Variants in CHCHD3 observed in about 807,000 individuals in gnomAD.
CHCHD3 encodes the protein coiled-coil-helix-coiled-coil-helix domain containing 3, also known as MICOS complex subunit MIC19.
In CHCHD3, 20 loss-of-function variants were observed where a neutral mutation model predicts 38.2. That is an observed-to-expected ratio of 0.52 (90% CI 0.37 to 0.76). The LOEUF (loss-of-function observed/expected upper bound fraction) is 0.76, where lower values mean the gene tolerates loss of function less well. Ranked by LOEUF, CHCHD3 falls within the 30% of genes least tolerant of loss-of-function variation. CHCHD3 has a pLI of 0.00. For missense variants in CHCHD3, 245 were observed against 279.2 expected (o/e 0.88, Z 0.87); for synonymous variants, 82 against 100.0 (o/e 0.82, Z 1.07).
chr7:133,019,554 A>G (rs1813124914), intron 3 of CHCHD3, among the ~76,000 whole-genome samples: 1 of 152,224 alleles, frequency 6.6e-6, no homozygotes, highest in Non-Finnish European at 1.5e-5. Context: ...TATACCAGAT[A>G]GATTATTTGA....
intron 6 of CHCHD3, among the ~76,000 whole-genome samples, chr7:132,811,379 G>A (rs1189428235): frequency 6.6e-6 from 1 of 152,236 alleles, no homozygotes; most frequent in Non-Finnish European, 1.5e-5. Flanking sequence ...CACCACCGGT[G>A]GCAAGTAAGC....
intron 5 of CHCHD3, among the ~76,000 whole-genome samples, chr7:132,870,506 C>T (rs192933246): frequency 6.6e-6 from 1 of 152,132 alleles, no homozygotes; most frequent in Non-Finnish European, 1.5e-5. Flanking sequence ...GTGCTGATAA[C>T]TGATATTTAT....
chr7:132,829,746 T>C lies in CHCHD3; in HGVS notation c.524+8653A>G, dbSNP rs141658095. Among the ~76,000 whole-genome samples the C allele has an allele frequency of 1.4e-3, 218 of 152,306 alleles. 2 individuals are homozygous for C. The highest frequency in any genetic ancestry group is 5.0e-3 in the African/African-American group (208 of 41,574). ...TCCTTTACACCCTATGCTGAAGTGA[T>C]GGAAAAAAGTTTCCAAAGTGACCCT... is the stretch of plus-strand genomic sequence containing the variant. On this transcript the variant is annotated intron_variant, in intron 6 of 7. Coordinates refer to ENST00000262570, the MANE Select transcript of CHCHD3 (RefSeq NM_017812.4).
At chr7:133,076,366 G>A (rs1210293700) in intron 1 of CHCHD3, among the ~76,000 whole-genome samples, 2 of 152,110 alleles carry the variant, frequency 1.3e-5, no homozygotes, top group Non-Finnish European at 2.9e-5. Context: ...TTATTGCATG[G>A]TTCTGGCCAG....
intron 4 of CHCHD3, among the ~76,000 whole-genome samples, chr7:132,964,966 C>A (rs1199048970): frequency 2.0e-5 from 3 of 152,082 alleles, no homozygotes; most frequent in Non-Finnish European, 4.4e-5. Context: ...ATTGTGCATA[C>A]ATTATTTCAC....
chr7:132,802,245 C>A (rs1461370066), intron 6 of CHCHD3, among the ~76,000 whole-genome samples: 1 of 151,988 alleles, frequency 6.6e-6, no homozygotes, highest in Admixed American at 6.6e-5. Context: ...TAACATGTGG[C>A]CACGTGACAG....
intron 5 of CHCHD3, among the ~76,000 whole-genome samples, chr7:132,865,218 G>A (rs1408605607): frequency 6.6e-6 from 1 of 152,186 alleles, no homozygotes; most frequent in African/African-American, 2.4e-5. Flanking sequence ...AGCTCCAGAA[G>A]AGTTACTTGA....
intron 5 of CHCHD3, among the ~76,000 whole-genome samples, chr7:132,839,208 T>G (rs1353647010): frequency 2.7e-5 from 4 of 150,532 alleles, no homozygotes; most frequent in South Asian, 2.1e-4. Context: ...AAAAAAAAAG[T>G]TTTCTTTATG....
At chr7:133,016,028 T>C (rs1813021396) in intron 3 of CHCHD3, among the ~76,000 whole-genome samples, 2 of 152,166 alleles carry the variant, frequency 1.3e-5, no homozygotes, top group Non-Finnish European at 2.9e-5. Flanking sequence ...AGGAGGATGG[T>C]GCTAAACCAT....
intron 4 of CHCHD3, among the ~76,000 whole-genome samples, chr7:132,957,397 G>A (rs922167928): frequency 1.3e-5 from 2 of 152,216 alleles, no homozygotes; most frequent in Non-Finnish European, 2.9e-5. Context: ...ACTGGGAAAT[G>A]GCTGCGCCAC....
intron 6 of CHCHD3, among the ~76,000 whole-genome samples, chr7:132,807,837 T>A (rs1806971050): frequency 6.6e-6 from 1 of 151,986 alleles, no homozygotes; most frequent in East Asian, 1.9e-4. Context: ...CATATATTGC[T>A]TATCAAGAAA....
At position 132,972,939 on chromosome 7, in the gene CHCHD3, A is replaced by AAG. The variant is rs1811648199; in HGVS notation, c.369+2229_369+2230insCT. 4 of 985,362 alleles carry AAG rather than the reference A, an allele frequency of 4.1e-6. No homozygotes were observed. The South Asian group carries it at 1.4e-4, about 35-fold the overall frequency. 61.0% of individuals were successfully genotyped at this position (985,362 alleles called of 1,614,324 possible). On this transcript the variant is annotated intron_variant, in intron 4 of 7. Coordinates refer to ENST00000262570, the MANE Select transcript of CHCHD3 (RefSeq NM_017812.4). ...AGACAGACAATAGACAAGATTTATT[A>AAG]GGTAAAACAGAACAGACTGCAGATA...
intron 5 of CHCHD3, among the ~76,000 whole-genome samples, chr7:132,874,728 A>T (rs1224374947): frequency 6.6e-6 from 1 of 152,156 alleles, no homozygotes; most frequent in East Asian, 1.9e-4. Flanking sequence ...ATTGCTCCCA[A>T]TTCTGAGGAG....
At chr7:132,986,424 GAAAAAAA>G (rs59151340) in intron 3 of CHCHD3, among the ~76,000 whole-genome samples, 5 of 131,284 alleles carry the variant, frequency 3.8e-5, no homozygotes, top group South Asian at 2.5e-4. Context: ...AAAGAAAAAA[GAAAAAAA>G]AAAAAAAAGA....
chr7:132,928,736 G>A (rs112135978), intron 4 of CHCHD3, among the ~76,000 whole-genome samples: 17 of 152,114 alleles, frequency 1.1e-4, no homozygotes, highest in African/African-American at 3.1e-4. Flanking sequence ...CAGCATTAAC[G>A]TAGAAGGATA....
intron 3 of CHCHD3, among the ~76,000 whole-genome samples, chr7:132,978,097 C>A (rs1469939744): frequency 6.6e-6 from 1 of 152,026 alleles, no homozygotes; most frequent in Non-Finnish European, 1.5e-5. Flanking sequence ...TACCTTACAG[C>A]GTTCTATATA....
At chr7:133,056,222 C>T (rs1814329600) in intron 2 of CHCHD3, among the ~76,000 whole-genome samples, 1 of 152,018 alleles carries the variant, frequency 6.6e-6, no homozygotes, top group Admixed American at 6.6e-5. Flanking sequence ...TCAGTCTATT[C>T]GTATTTACTC....
intron 3 of CHCHD3, among the ~76,000 whole-genome samples, chr7:133,017,572 G>A (rs747407133): frequency 3.3e-4 from 50 of 152,198 alleles, no homozygotes; most frequent in Non-Finnish European, 5.3e-4. Context: ...TGCACTTCAC[G>A]AGAGAAAACA....
intron 3 of CHCHD3, among the ~76,000 whole-genome samples, chr7:132,995,678 G>C (rs1327336883): frequency 6.6e-6 from 1 of 152,162 alleles, no homozygotes; most frequent in African/African-American, 2.4e-5. Flanking sequence ...GTAAAACCTA[G>C]GACTTGCTCT....
Sources: gnomAD v4.1 joint callset for allele counts (sites outside exome capture counted in the v4.1 genomes callset) on GRCh38, gnomAD v4.1.1 for gene constraint, MANE v1.5 for transcripts, NCBI Gene and HGNC (gene_info 2026-07-23, HGNC 2026-07-21) for gene names.